Variants in GNB1 observed in about 807,000 individuals in gnomAD.
GNB1 encodes G protein subunit beta 1, also known as guanine nucleotide-binding protein G(I)/G(S)/G(T) subunit beta-1.
A neutral mutation model predicts 42.9 loss-of-function variants in GNB1; 2 were observed. The observed-to-expected ratio is 0.05, with a 90% CI of 0.02 to 0.15. The LOEUF is 0.15. GNB1 is among the 10% of genes least tolerant of loss of function. GNB1 has a pLI of 1.00. For synonymous variants in GNB1, 183 were observed against 174.7 expected (o/e 1.05, Z -0.38); for missense variants, 193 against 462.2 (o/e 0.42, Z 5.34).
chr1:1,785,832 C>A lies in GNB1; in HGVS notation c.*1231G>T. ...TTTTTTTTTAAAGAAATAAAGAAAACAGTGACTTATCCCGCTACCCAAGCG... is the reference window on the plus strand; with the variant it reads ...TTTTTTTTTAAAGAAATAAAGAAAAAAGTGACTTATCCCGCTACCCAAGCG... On this transcript the variant is annotated 3_prime_UTR_variant, in exon 12 of 12. Coordinates refer to ENST00000378609, the MANE Select transcript of GNB1 (RefSeq NM_002074.5). 1.6e-4 allele frequency: 35 copies of A among 224,366 alleles called. No homozygotes were observed. The highest frequency in any genetic ancestry group is 3.2e-4 in the East Asian group (4 of 12,474). The allele number at this position is 224,366 out of a possible 1,614,324, so 13.9% of individuals were successfully genotyped here. A position where few individuals can be genotyped will look rare whatever the true frequency, so the allele number is the denominator to read the frequency against.
At chr1:1,840,912 G>C (rs1647223904) in intron 1 of GNB1, among the ~76,000 whole-genome samples, 1 of 152,238 alleles carries the variant, frequency 6.6e-6, no homozygotes, top group South Asian at 2.1e-4. Flanking sequence ...TTATTTTTGA[G>C]ACAGCAGTCT....
At chr1:1,845,648 A>G (rs879904439) in intron 1 of GNB1, among the ~76,000 whole-genome samples, 2 of 152,130 alleles carry the variant, frequency 1.3e-5, no homozygotes, top group Non-Finnish European at 1.5e-5. Flanking sequence ...TGTATGCCAG[A>G]GCGAAATAAG....
chr1:1,791,080 A>T (rs376083294), intron 8 of GNB1, among the ~76,000 whole-genome samples: 33 of 152,288 alleles, frequency 2.2e-4, no homozygotes, highest in African/African-American at 7.0e-4. Context: ...ATGCCAGGTA[A>T]ACAAATGGCT....
chr1:1,788,441 C>G (rs896091696), intron 10 of GNB1: 2 of 154,850 alleles, frequency 1.3e-5, no homozygotes, highest in Non-Finnish European at 2.9e-5. Context: ...AATGGCTCCA[C>G]TCTGGTCCCC....
chr1:1,864,470 T>C lies in GNB1; in HGVS notation c.-95-25232A>G, dbSNP rs77546342. Among the ~76,000 whole-genome samples the C allele has an allele frequency of 8.4e-3, 1,270 of 152,070 alleles. 23 individuals are homozygous for C. The highest frequency in any genetic ancestry group is 0.029 in the African/African-American group (1,217 of 41,472). On this transcript the variant is annotated intron_variant, in intron 1 of 11. Transcript: ENST00000378609. ...GTTAAAACGGCCGCAATGATACTGGTTTCTCCCACTATCATCACAAGTTAT... is the reference window on the plus strand; with the variant it reads ...GTTAAAACGGCCGCAATGATACTGGCTTCTCCCACTATCATCACAAGTTAT...
intron 5 of GNB1, among the ~76,000 whole-genome samples, chr1:1,815,163 G>A (rs1378384953): frequency 2.0e-5 from 3 of 151,780 alleles, no homozygotes; most frequent in African/African-American, 7.3e-5. Flanking sequence ...AGCCCATGAA[G>A]GGAATTATCT....
chr1:1,873,911 T>C (rs181322868), intron 1 of GNB1, among the ~76,000 whole-genome samples: 167 of 152,252 alleles, frequency 1.1e-3, no homozygotes, highest in African/African-American at 3.9e-3. Flanking sequence ...ACCACCAATG[T>C]ATCCAGGCAG....
In GNB1 at chr1:1,787,288, T is replaced by C. The variant is rs904766495; in HGVS notation, c.*9+34A>G. ...GTTCTATGAGAAACACGCACAGTTC[T>C]CCTCAGAGAAGGGCATTTGGGCTGC... On this transcript the variant is annotated intron_variant, in intron 11 of 11. Coordinates refer to ENST00000378609, the MANE Select transcript of GNB1 (RefSeq NM_002074.5). The surrounding 1 kb of genome is among the most constrained non-coding windows in gnomAD (Gnocchi z 4.4). The C allele has an allele frequency of 1.9e-6, 2 of 1,042,086 alleles. No individual in the cohort carries two copies. Among genetic ancestry groups the C allele is most frequent in the Non-Finnish European group, 3.0e-6 (2 of 664,574 alleles). 64.6% of individuals were successfully genotyped at this position (1,042,086 alleles called of 1,614,324 possible).
In GNB1 at chr1:1,790,904, C is replaced by A. The variant is rs1646473137; in HGVS notation, c.498-308G>T. ...CACTTTTCAAGCAGCACCACTGAGG[C>A]TGTGCCCCCTCTTTGGTCATGGATG... On this transcript the variant is annotated intron_variant, in intron 8 of 11. Coordinates refer to ENST00000378609, the MANE Select transcript of GNB1 (RefSeq NM_002074.5). The surrounding 1 kb of genome is among the most constrained non-coding windows in gnomAD (Gnocchi z 5.4). Among the ~76,000 whole-genome samples the A allele has an allele frequency of 6.6e-6, 1 of 152,164 alleles. No individual in the cohort carries two copies. Among genetic ancestry groups the A allele is most frequent in the Non-Finnish European group, 1.5e-5 (1 of 68,046 alleles).
At position 1,790,299 on chromosome 1, in the gene GNB1, G is replaced by A. The variant is rs1047753391; in HGVS notation, c.699+96C>T. ...CATGAGGTTGTATAAGGATCAGAAA[G>A]GAGAACATCTAATCCAGAAAAGTTT... On this transcript the variant is annotated intron_variant, in intron 9 of 11. Coordinates refer to ENST00000378609, the MANE Select transcript of GNB1 (RefSeq NM_002074.5). This position sits in a 1 kb window ranked among gnomAD's most constrained non-coding sequence, Gnocchi z 5.4. 2 of 816,994 alleles carry A rather than the reference G, an allele frequency of 2.4e-6. No homozygotes were observed. Among genetic ancestry groups the A allele is most frequent in the Non-Finnish European group, 4.2e-6 (2 of 480,634 alleles). The allele number at this position is 816,994 out of a possible 1,614,324, so 50.6% of individuals were successfully genotyped here.
At chr1:1,789,843 A>G (rs1646459298) in intron 9 of GNB1, among the ~76,000 whole-genome samples, 1 of 152,220 alleles carries the variant, frequency 6.6e-6, no homozygotes, top group African/African-American at 2.4e-5. Flanking sequence ...TCCAAAGGAT[A>G]GTGAGAAAGT....
intron 7 of GNB1, among the ~76,000 whole-genome samples, chr1:1,796,729 G>A (rs1646551811): frequency 6.6e-6 from 1 of 152,166 alleles, no homozygotes; most frequent in Admixed American, 6.5e-5. Context: ...AGGTGCAAGG[G>A]CACAAAGGTG....
chr1:1,828,589 G>A (rs1647030900), intron 2 of GNB1, among the ~76,000 whole-genome samples: 1 of 152,030 alleles, frequency 6.6e-6, no homozygotes, highest in South Asian at 2.1e-4. Flanking sequence ...AAGTAGTAAT[G>A]CCAAAACTCG....
rs1646405118 is a variant in GNB1 at position 1,786,268 on chromosome 1, T to A, written c.*795A>T. 1 of 390,092 alleles carries A rather than the reference T, an allele frequency of 2.6e-6. No homozygotes were observed. The highest frequency in any genetic ancestry group is 4.5e-6 in the Non-Finnish European group (1 of 221,094). 24.2% of individuals were successfully genotyped at this position (390,092 alleles called of 1,614,324 possible). On this transcript the variant is annotated 3_prime_UTR_variant, in exon 12 of 12. Transcript: ENST00000378609. Reference sequence around the variant, plus strand: ...TTCACAAGGAAACCCAAAGTGAGATTAAAAACTCAACTGAGAAGATAGACA... The same window carrying A: ...TTCACAAGGAAACCCAAAGTGAGATAAAAAACTCAACTGAGAAGATAGACA...
chr1:1,851,824 A>G (rs748900762), intron 1 of GNB1, among the ~76,000 whole-genome samples: 4 of 152,068 alleles, frequency 2.6e-5, no homozygotes, highest in Non-Finnish European at 5.9e-5. Context: ...TGGGTGGATC[A>G]CTTGAGGTCA....
chr1:1,887,738 CCCG>C (rs1199539249), intron 1 of GNB1, among the ~76,000 whole-genome samples: 1 of 152,192 alleles, frequency 6.6e-6, no homozygotes, highest in African/African-American at 2.4e-5. Flanking sequence ...GCCTAAACCT[CCCG>C]AGTAGCTGGG....
intron 2 of GNB1, among the ~76,000 whole-genome samples, chr1:1,830,100 G>A (rs1647055414): frequency 6.6e-6 from 1 of 151,886 alleles, no homozygotes; most frequent in Non-Finnish European, 1.5e-5. Flanking sequence ...AAGAGAAACA[G>A]GTTAGCAGCT....
At chr1:1,879,246 C>T (rs1649708903) in intron 1 of GNB1, among the ~76,000 whole-genome samples, 1 of 152,174 alleles carries the variant, frequency 6.6e-6, no homozygotes, top group African/African-American at 2.4e-5. Flanking sequence ...CGGCTCAGAC[C>T]CCCTCTACAT....
chr1:1,889,248 C>T (rs1397590576), intron 1 of GNB1, among the ~76,000 whole-genome samples: 1 of 151,482 alleles, frequency 6.6e-6, no homozygotes, highest in Non-Finnish European at 1.5e-5. Context: ...AAATAATCTT[C>T]ATATTTTCTT....
Sources: gnomAD v4.1 joint callset for allele counts (sites outside exome capture counted in the v4.1 genomes callset) on GRCh38, gnomAD v4.1.1 for gene constraint, Gnocchi (gnomAD v3.1) non-coding constraint, MANE v1.5 for transcripts, NCBI Gene and HGNC (gene_info 2026-07-23, HGNC 2026-07-21) for gene names.